The following TMEM132D variants were observed in gnomAD, a reference collection of about 807,000 sequenced individuals.
TMEM132D encodes transmembrane protein 132D.
Under a neutral mutation model 62.3 loss-of-function variants are expected in TMEM132D, and 21 were observed. That is an observed-to-expected ratio of 0.34 (90% CI 0.24 to 0.49). The LOEUF (loss-of-function observed/expected upper bound fraction) is 0.49, where lower values mean the gene tolerates loss of function less well. Ranked by LOEUF, TMEM132D falls within the 20% of genes least tolerant of loss-of-function variation. The pLI is 0.99. For synonymous variants in TMEM132D, 621 were observed against 575.6 expected, an observed-to-expected ratio of 1.08 and a Z score of -1.13; for missense variants, 1,346 against 1,402.8, an observed-to-expected ratio of 0.96 and a Z score of 0.65.
chr12:129,887,514 T>C (rs1874786017), intron 1 of TMEM132D, among the ~76,000 whole-genome samples: 1 of 152,218 alleles, frequency 6.6e-6, no homozygotes, highest in African/African-American at 2.4e-5. Flanking sequence ...CTCTATTTGT[T>C]GAACACATAT....
chr12:129,264,263 C>T (rs1880628194), intron 4 of TMEM132D, among the ~76,000 whole-genome samples: 1 of 152,120 alleles, frequency 6.6e-6, no homozygotes, highest in African/African-American at 2.4e-5. Context: ...GTAACACGAG[C>T]CTGTAGTCCC....
chr12:129,571,926 T>C (rs535386921), intron 2 of TMEM132D, among the ~76,000 whole-genome samples: 9 of 152,246 alleles, frequency 5.9e-5, no homozygotes, highest in Admixed American at 3.9e-4. Context: ...AGAGGGTAAA[T>C]GCTTGCTAGT....
At chr12:129,655,540 C>A (rs1880050175) in intron 2 of TMEM132D, among the ~76,000 whole-genome samples, 1 of 152,068 alleles carries the variant, frequency 6.6e-6, no homozygotes, top group Admixed American at 6.5e-5. Context: ...AGCCACCACG[C>A]CTGGTCCCTG....
chr12:129,474,035 G>C (rs1874184823), intron 3 of TMEM132D, among the ~76,000 whole-genome samples: 1 of 152,178 alleles, frequency 6.6e-6, no homozygotes, highest in South Asian at 2.1e-4. Flanking sequence ...AACATGCAGT[G>C]ACTGGCAAAG....
chr12:129,521,280 A>G lies in TMEM132D; in HGVS notation c.1115+9779T>C, dbSNP rs1022878556. 8 of 152,318 alleles carry G rather than the reference A, an allele frequency of 5.3e-5. No homozygotes were observed. In the East Asian group the frequency reaches 9.6e-4, roughly 18 times the overall value. 9.4% of individuals were successfully genotyped at this position (152,318 alleles called of 1,614,324 possible). A position where few individuals can be genotyped will look rare whatever the true frequency, so the allele number is the denominator to read the frequency against. ...ACTGGATCTACCTTTAAGACAAAAG[A>G]TTAAGTGTCTAGAACTACCTGCATT... On this transcript the variant is annotated intron_variant, in intron 3 of 8. Coordinates refer to ENST00000422113, the MANE Select transcript of TMEM132D (RefSeq NM_133448.3).
chr12:129,765,509 T>C (rs1429895717), intron 1 of TMEM132D, among the ~76,000 whole-genome samples: 2 of 150,460 alleles, frequency 1.3e-5, no homozygotes, highest in African/African-American at 4.9e-5. Context: ...GAGGTTGCAG[T>C]GAGCTGATAT....
At position 129,497,750 on chromosome 12, in the gene TMEM132D, C is replaced by T. The variant is rs572826533; in HGVS notation, c.1115+33309G>A. Among the ~76,000 whole-genome samples, 178 of 152,096 alleles carry T rather than the reference C, an allele frequency of 1.2e-3. 3 individuals are homozygous for T. The highest frequency in any genetic ancestry group is 0.011 in the Admixed American group (162 of 15,270). On this transcript the variant is annotated intron_variant, in intron 3 of 8. Transcript: ENST00000422113. Reference sequence around the variant, plus strand: ...TCACAGCTCGCTACAGCCTCGACTTCCCCGACTTAAGCAATTCTCTCACCT... The same window carrying T: ...TCACAGCTCGCTACAGCCTCGACTTTCCCGACTTAAGCAATTCTCTCACCT...
chr12:129,099,642 C>T (rs578029461), intron 5 of TMEM132D, among the ~76,000 whole-genome samples: 24 of 152,306 alleles, frequency 1.6e-4, no homozygotes, highest in African/African-American at 5.3e-4. Flanking sequence ...CACCTCCAGA[C>T]GGCTCTATGC....
intron 2 of TMEM132D, among the ~76,000 whole-genome samples, chr12:129,588,820 T>C (rs1337590878): frequency 6.7e-6 from 1 of 148,180 alleles, no homozygotes; most frequent in African/African-American, 2.5e-5. Context: ...TAAATCCAAA[T>C]AATGTTTAAT....
intron 1 of TMEM132D, among the ~76,000 whole-genome samples, chr12:129,768,881 G>A (rs4760012): frequency 0.94 from 143,870 of 152,322 alleles, 68,247 homozygotes; most frequent in Non-Finnish European, 1. Context: ...GATTTTCAAC[G>A]AACTTTTAGG....
chr12:129,798,892 T>C (rs1344048326), intron 1 of TMEM132D, among the ~76,000 whole-genome samples: 1 of 152,196 alleles, frequency 6.6e-6, no homozygotes, highest in Non-Finnish European at 1.5e-5. Context: ...CTACCAACTG[T>C]TTTTGCTTGG....
intron 4 of TMEM132D, among the ~76,000 whole-genome samples, chr12:129,272,227 A>G (rs1316659441): frequency 2.0e-5 from 3 of 151,814 alleles, no homozygotes; most frequent in Non-Finnish European, 4.4e-5. Flanking sequence ...CTTGCTGGGA[A>G]TGCAGGATCC....
chr12:129,426,266 G>A (rs959433912), intron 3 of TMEM132D, among the ~76,000 whole-genome samples: 1 of 152,108 alleles, frequency 6.6e-6, no homozygotes, highest in African/African-American at 2.4e-5. Flanking sequence ...TATTTAGGAA[G>A]GGAAATTATG....
At chr12:129,123,676 G>C (rs1876128321) in intron 5 of TMEM132D, among the ~76,000 whole-genome samples, 2 of 152,126 alleles carry the variant, frequency 1.3e-5, no homozygotes, top group African/African-American at 4.8e-5. Context: ...GGTGTTTCTG[G>C]CACAAATTAA....
At chr12:129,607,473 G>T (rs1345051215) in intron 2 of TMEM132D, among the ~76,000 whole-genome samples, 1 of 152,172 alleles carries the variant, frequency 6.6e-6, no homozygotes, top group Non-Finnish European at 1.5e-5. Flanking sequence ...CTCCAGAGAT[G>T]AGTCAATGTT....
At chr12:129,523,564 C>G (rs748239765) in intron 3 of TMEM132D, among the ~76,000 whole-genome samples, 1 of 152,144 alleles carries the variant, frequency 6.6e-6, no homozygotes, top group East Asian at 1.9e-4. Context: ...AGACGCGTGG[C>G]GGTAACTCAG....
chr12:129,077,816 TGCAACACACAACACAAAACAA>T (rs1874322204), intron 8 of TMEM132D, among the ~76,000 whole-genome samples: 1 of 151,458 alleles, frequency 6.6e-6, no homozygotes, highest in Non-Finnish European at 1.5e-5. Flanking sequence ...CAAGCACACA[TGCAACACACAACACAAAACAA>T]GCAACACAAA....
chr12:129,383,592 C>A (rs1474797033), intron 3 of TMEM132D, among the ~76,000 whole-genome samples: 1 of 152,132 alleles, frequency 6.6e-6, no homozygotes, highest in Non-Finnish European at 1.5e-5. Flanking sequence ...GTGCATGCCA[C>A]TACACCTGGC....
At chr12:129,547,548 T>A (rs1484004) in intron 2 of TMEM132D, among the ~76,000 whole-genome samples, 134,269 of 152,222 alleles carry the variant, frequency 0.88, 59,300 homozygotes, top group East Asian at 0.99. Flanking sequence ...AGTTCAACCC[T>A]CAACACCGGT....
Sources: gnomAD v4.1 joint callset for allele counts (sites outside exome capture counted in the v4.1 genomes callset) on GRCh38, gnomAD v4.1.1 for gene constraint, MANE v1.5 for transcripts, NCBI Gene and HGNC (gene_info 2026-07-23, HGNC 2026-07-21) for gene names.